PPP4R4: variants seen among roughly 807,000 people sequenced by gnomAD.
PPP4R4 encodes serine/threonine-protein phosphatase 4 regulatory subunit 4.
PPP4R4 carries 70 observed loss-of-function variants against 121.8 expected under a neutral mutation model. The ratio of observed to expected loss-of-function variants is 0.57; its 90% CI spans 0.47 to 0.70. The LOEUF is 0.70. Ranked by LOEUF, PPP4R4 falls within the 30% of genes least tolerant of loss-of-function variation. PPP4R4 has a pLI of 0.00. For missense variants in PPP4R4, 875 were observed against 1,033.6 expected, an observed-to-expected ratio of 0.85 and a Z score of 2.10; for synonymous variants, 348 against 355.7, an observed-to-expected ratio of 0.98 and a Z score of 0.24.
intron 16 of PPP4R4, 100 bp from the exon 17 acceptor site, chr14:94,256,359 AT>A: frequency 1.1e-6 from 1 of 925,054 alleles, no homozygotes. Flanking sequence ...TCTTGCATGA[AT>A]AAATGAACTC....
Position 94,265,777 on chromosome 14 carries a change from T to C in PPP4R4, c.2285-17T>C, listed in dbSNP as rs1460841652. The stretch of plus-strand genomic sequence containing the variant: ...ATGAACTGAATACATTTTTCTTTTT[T>C]CTGCTTATTGCTCTAGGTAAAGAAA... On this transcript the variant is annotated splice_polypyrimidine_tract_variant and intron_variant, in intron 21 of 24. Coordinates refer to ENST00000304338, the MANE Select transcript of PPP4R4 (RefSeq NM_058237.2). 6.4e-7 allele frequency: 1 copy of C among 1,559,768 alleles called. No homozygotes were observed. The highest frequency in any genetic ancestry group is 1.4e-5 in the African/African-American group (1 of 73,128).
chr14:94,266,870 A>G, intron 22 of PPP4R4, 89 bp from the exon 23 acceptor site: 1 of 855,074 alleles, frequency 1.2e-6, no homozygotes, highest in South Asian at 1.6e-5. Context: ...AAAGCATTAA[A>G]AAGAAGATTA....
chr14:94,238,899 A>T (rs1473706527), intron 8 of PPP4R4, among the ~76,000 whole-genome samples: 2 of 152,216 alleles, frequency 1.3e-5, no homozygotes, highest in Non-Finnish European at 2.9e-5. Flanking sequence ...ATGATAAGTG[A>T]ATGAATAAAT....
At chr14:94,276,169 C>G (rs184075974) in intron 24 of PPP4R4, among the ~76,000 whole-genome samples, 36 of 152,272 alleles carry the variant, frequency 2.4e-4, no homozygotes, top group Admixed American at 2.2e-3. Flanking sequence ...ATACCCAAAC[C>G]ATAGTTACAA....
intron 1 of PPP4R4, 60 bp downstream of exon 1, chr14:94,174,642 C>G: frequency 1.3e-6 from 2 of 1,588,542 alleles, no homozygotes; most frequent in South Asian, 1.1e-5. Context: ...CGCGCGGTCC[C>G]GCGCTGATCT....
chr14:94,217,622 A>C (rs1377550928), intron 3 of PPP4R4, among the ~76,000 whole-genome samples: 3 of 152,260 alleles, frequency 2.0e-5, no homozygotes, highest in Non-Finnish European at 4.4e-5. Context: ...TGGTAAAAAA[A>C]AATCCACTGA....
intron 2 of PPP4R4, among the ~76,000 whole-genome samples, chr14:94,182,657 T>G (rs939302964): frequency 6.6e-6 from 1 of 152,224 alleles, no homozygotes; most frequent in Non-Finnish European, 1.5e-5. Context: ...TACCACAATT[T>G]ATTCATTCCA....
chr14:94,266,776 C>G (rs553173378), intron 22 of PPP4R4, among the ~76,000 whole-genome samples, 183 bp from the exon 23 acceptor site: 1 of 152,044 alleles, frequency 6.6e-6, no homozygotes, highest in East Asian at 1.9e-4. Flanking sequence ...GAAATGCTTT[C>G]AAGTTATAGA....
intron 2 of PPP4R4, among the ~76,000 whole-genome samples, chr14:94,181,689 G>A (rs774604435): frequency 2.0e-5 from 3 of 151,974 alleles, no homozygotes; most frequent in Non-Finnish European, 2.9e-5. Context: ...CATGGTTCTA[G>A]GTTTTTATGA....
At chr14:94,196,789 G>C (rs1275525583) in intron 2 of PPP4R4, among the ~76,000 whole-genome samples, 1 of 151,866 alleles carries the variant, frequency 6.6e-6, no homozygotes, top group Non-Finnish European at 1.5e-5. Context: ...TACGATTCAT[G>C]TGTTTTTTCA....
At chr14:94,177,834 C>A (rs938239477) in intron 2 of PPP4R4, among the ~76,000 whole-genome samples, 4 of 152,070 alleles carry the variant, frequency 2.6e-5, no homozygotes, top group African/African-American at 9.7e-5. Flanking sequence ...TTTACAAAGC[C>A]CTTAAAGAGA....
At position 94,256,446 on chromosome 14, in the gene PPP4R4, C is replaced by T; in HGVS notation, c.1866-14C>T. 1 of 1,558,838 alleles carries T rather than the reference C, an allele frequency of 6.4e-7. No homozygotes were observed. Among genetic ancestry groups the T allele is most frequent in the Non-Finnish European group, 8.7e-7 (1 of 1,143,728 alleles). On this transcript the variant is annotated splice_polypyrimidine_tract_variant and intron_variant, in intron 16 of 24. Coordinates refer to ENST00000304338, the MANE Select transcript of PPP4R4 (RefSeq NM_058237.2). ...TATTAACTTCACTCAAGAGTAAATA[C>T]TATTTTATTGTAGAATGAAACTTTG...
chr14:94,213,847 G>GA (rs1890872789), intron 3 of PPP4R4, among the ~76,000 whole-genome samples: 1 of 152,148 alleles, frequency 6.6e-6, no homozygotes, highest in African/African-American at 2.4e-5. Flanking sequence ...TGTGAGAGAA[G>GA]AAATAGCTGT....
chr14:94,218,404 T>A (rs1483260237), intron 3 of PPP4R4, among the ~76,000 whole-genome samples: 5 of 30,052 alleles, frequency 1.7e-4, no homozygotes, highest in African/African-American at 5.9e-4. Context: ...CACACACACC[T>A]CCTCACCCCT....
intron 3 of PPP4R4, chr14:94,227,198 C>A: frequency 3.9e-6 from 4 of 1,013,452 alleles, no homozygotes; most frequent in Non-Finnish European, 5.8e-6. Flanking sequence ...GGGATGCCAG[C>A]CGTACAATAG....
At position 94,267,023 on chromosome 14, in the gene PPP4R4, C is replaced by T. The variant is rs1056697097; in HGVS notation, c.2443C>T (p.Leu815=). 1.8e-5 allele frequency: 28 copies of T among 1,588,420 alleles called. No homozygotes were observed. Among genetic ancestry groups the T allele is most frequent in the African/African-American group, 1.3e-4 (10 of 74,202 alleles). The change falls in exon 23 of 25, where the codon CTA becomes TTA. Residue 815 remains leucine (L), a synonymous_variant. Coordinates refer to ENST00000304338, the MANE Select transcript of PPP4R4 (RefSeq NM_058237.2). ...SGLGKTSVLS[L]ADDSFRTRNA... The stretch of plus-strand genomic sequence containing the variant: ...GTTAGGAAAGACTTCTGTGCTTTCA[C>T]TAGCTGGTAAGTAGCAATCTAAGTT...
At chr14:94,239,796 A>AT (rs1566681787) in intron 8 of PPP4R4, among the ~76,000 whole-genome samples, 1 of 152,086 alleles carries the variant, frequency 6.6e-6, no homozygotes, top group Non-Finnish European at 1.5e-5. Context: ...ATTGTCTTAT[A>AT]TTTTTTGTGT....
At chr14:94,265,001 C>A in intron 20 of PPP4R4, 54 bp downstream of exon 20, 1 of 1,278,206 alleles carries the variant, frequency 7.8e-7, no homozygotes, top group Non-Finnish European at 1.1e-6. Context: ...ATGTTGCATC[C>A]TGGTATTCTG....
At chr14:94,273,774 A>C (rs1894481113) in intron 23 of PPP4R4, among the ~76,000 whole-genome samples, 1 of 152,154 alleles carries the variant, frequency 6.6e-6, no homozygotes, top group African/African-American at 2.4e-5. Flanking sequence ...TAAAAAATAG[A>C]GTCTACTTAA....
Sources: allele counts gnomAD v4.1 joint callset (sites outside exome capture counted in the v4.1 genomes callset), GRCh38; gene constraint gnomAD v4.1.1; transcripts MANE v1.5; gene names NCBI Gene and HGNC (gene_info 2026-07-23, HGNC 2026-07-21).